TRIM2: variants seen among roughly 807,000 people sequenced by gnomAD.
The protein encoded by TRIM2 is tripartite motif containing 2.
TRIM2 carries 20 observed loss-of-function variants against 75.2 expected under a neutral mutation model. The observed-to-expected ratio is 0.27, with a 90% CI of 0.19 to 0.39. The LOEUF is 0.39. Ranked by LOEUF, TRIM2 falls within the 10% of genes least tolerant of loss-of-function variation. The pLI is 1.00. For missense variants in TRIM2, 660 were observed against 990.8 expected, an observed-to-expected ratio of 0.67 and a Z score of 4.48; for synonymous variants, 373 against 388.3, an observed-to-expected ratio of 0.96 and a Z score of 0.46.
intron 6 of TRIM2, chr4:153,309,852 T>TC (rs1204614615): frequency 6.6e-6 from 1 of 152,194 alleles, no homozygotes; most frequent in Non-Finnish European, 1.5e-5. Flanking sequence ...GGTCTTAAAT[T>TC]CCTGACCTCA....
chr4:153,307,920 C>T (rs1765379157), intron 6 of TRIM2: 1 of 752,654 alleles, frequency 1.3e-6, no homozygotes. Context: ...ATCTTGAGTC[C>T]CCATGCCCAT....
At chr4:153,280,603 A>T (rs559915884) in intron 3 of TRIM2, among the ~76,000 whole-genome samples, 1 of 152,216 alleles carries the variant, frequency 6.6e-6, no homozygotes, top group South Asian at 2.1e-4. Context: ...GCTGGTTGCA[A>T]ACTGGCCTCA....
At chr4:153,326,974 C>A (rs1770341071) in intron 10 of TRIM2, among the ~76,000 whole-genome samples, 2 of 97,240 alleles carry the variant, frequency 2.1e-5, no homozygotes, top group African/African-American at 9.0e-5. Flanking sequence ...AATAAGACTC[C>A]ATCTCAAAAA....
chr4:153,271,794 C>T (rs1476451058), intron 2 of TRIM2, among the ~76,000 whole-genome samples: 2 of 152,176 alleles, frequency 1.3e-5, no homozygotes, highest in Non-Finnish European at 2.9e-5. Context: ...ATGGGAAGAT[C>T]GTTACCTGAT....
At chr4:153,332,720 G>A (rs746823479) in intron 11 of TRIM2, among the ~76,000 whole-genome samples, 1 of 151,850 alleles carries the variant, frequency 6.6e-6, no homozygotes, top group African/African-American at 2.4e-5. Flanking sequence ...ATAAAAAGAT[G>A]TGCAATATCA....
intron 1 of TRIM2, among the ~76,000 whole-genome samples, chr4:153,155,435 G>A (rs760447080): frequency 1.3e-5 from 2 of 152,182 alleles, no homozygotes; most frequent in Non-Finnish European, 2.9e-5. Context: ...AAGGGGTTCA[G>A]AATGGGGAAA....
Position 153,302,248 on chromosome 4 carries a change from G to A in TRIM2, c.1510+6212G>A, listed in dbSNP as rs930427. 6.8e-3 allele frequency among the ~76,000 whole-genome samples: 1,035 copies of A among 151,392 alleles called. 3 individuals are homozygous for A. The highest frequency in any genetic ancestry group is 0.01 in the Non-Finnish European group (705 of 67,876). ...TAGTTTTTTTCTTTTTCTTGCATTC[G>A]TCTTTAACTTTACATTCAAATCCAG... On this transcript the variant is annotated intron_variant, in intron 6 of 11. Transcript: ENST00000338700.
At chr4:153,330,997 G>T (rs982389199) in intron 11 of TRIM2, among the ~76,000 whole-genome samples, 4 of 152,148 alleles carry the variant, frequency 2.6e-5, no homozygotes, top group African/African-American at 9.7e-5. Context: ...GGTGAGTTCA[G>T]CAAGATTGCA....
chr4:153,281,179 C>T (rs1317998117), intron 3 of TRIM2, among the ~76,000 whole-genome samples: 3 of 152,150 alleles, frequency 2.0e-5, no homozygotes, highest in East Asian at 1.9e-4. Context: ...TAGTAACCAG[C>T]GCTCTTGAGA....
intron 1 of TRIM2, among the ~76,000 whole-genome samples, chr4:153,259,305 A>G (rs570722506): frequency 1.3e-5 from 2 of 152,184 alleles, no homozygotes; most frequent in Admixed American, 1.3e-4. Flanking sequence ...TAAAACATTC[A>G]TTCTTTGTCT....
chr4:153,179,148 CATTA>C (rs1369743896), intron 1 of TRIM2, among the ~76,000 whole-genome samples: 2 of 151,868 alleles, frequency 1.3e-5, no homozygotes, highest in African/African-American at 4.8e-5. Context: ...GCACTCCAGC[CATTA>C]ATTAATTGTT....
At chr4:153,280,040 C>T (rs1047046215) in intron 3 of TRIM2, among the ~76,000 whole-genome samples, 2 of 151,682 alleles carry the variant, frequency 1.3e-5, no homozygotes, top group African/African-American at 2.4e-5. Context: ...TGCCAAAGTA[C>T]TCCTGCTTGG....
rs1310305421 is a variant in TRIM2 at position 153,335,938 on chromosome 4, T to G, written c.*972T>G. On this transcript the variant is annotated 3_prime_UTR_variant, in exon 12 of 12. Coordinates refer to ENST00000338700, the MANE Select transcript of TRIM2 (RefSeq NM_015271.5). ...AAGTAGCCCTTTGGAGGACTGATGGTGTCAACCAAAGGCATGTGATTGATT... is the reference window on the plus strand; with the variant it reads ...AAGTAGCCCTTTGGAGGACTGATGGGGTCAACCAAAGGCATGTGATTGATT... 1.0e-6 allele frequency: 1 copy of G among 985,732 alleles called. No homozygotes were observed. The highest frequency in any genetic ancestry group is 1.7e-5 in the African/African-American group (1 of 57,224). The allele number at this position is 985,732 out of a possible 1,614,324, so 61.1% of individuals were successfully genotyped here.
chr4:153,232,374 C>T (rs1260673155), intron 1 of TRIM2, among the ~76,000 whole-genome samples: 2 of 152,206 alleles, frequency 1.3e-5, no homozygotes, highest in South Asian at 2.1e-4. Flanking sequence ...TGGCGCACGC[C>T]TGTAGTCCCA....
At position 153,337,745 on chromosome 4, in the gene TRIM2, T is replaced by C; in HGVS notation, c.*2779T>C. On this transcript the variant is annotated 3_prime_UTR_variant, in exon 12 of 12. Coordinates refer to ENST00000338700, the MANE Select transcript of TRIM2 (RefSeq NM_015271.5). The stretch of plus-strand genomic sequence containing the variant: ...TTTTTTCTGGGCTACCATTATTGTT[T>C]GATTTCTCTTTGTCAAGTGTATAGA... 1.0e-6 allele frequency: 1 copy of C among 985,866 alleles called. No individual in the cohort carries two copies. The allele number at this position is 985,866 out of a possible 1,614,324, so 61.1% of individuals were successfully genotyped here. A position where few individuals can be genotyped will look rare whatever the true frequency, so the allele number is the denominator to read the frequency against.
At chr4:153,314,120 G>A (rs1767011894) in intron 6 of TRIM2, among the ~76,000 whole-genome samples, 1 of 151,962 alleles carries the variant, frequency 6.6e-6, no homozygotes, top group Non-Finnish European at 1.5e-5. Context: ...CCAGATGTCC[G>A]TTAACCTGTA....
chr4:153,309,001 A>G (rs1309055242), intron 6 of TRIM2, among the ~76,000 whole-genome samples: 1 of 152,202 alleles, frequency 6.6e-6, no homozygotes, highest in Non-Finnish European at 1.5e-5. Flanking sequence ...GTGGAAAAAG[A>G]TGCAACTAAT....
chr4:153,193,251 C>T (rs186583198), intron 1 of TRIM2, among the ~76,000 whole-genome samples: 1 of 151,546 alleles, frequency 6.6e-6, no homozygotes, highest in Admixed American at 6.6e-5. Flanking sequence ...CCTGCCTCAG[C>T]CTCCTGAGTA....
chr4:153,289,512 T>C (rs1312722595), intron 3 of TRIM2, among the ~76,000 whole-genome samples: 1 of 152,226 alleles, frequency 6.6e-6, no homozygotes, highest in Non-Finnish European at 1.5e-5. Context: ...GCTGATCTTT[T>C]TTCATACATG....
Sources: allele counts gnomAD v4.1 joint callset (sites outside exome capture counted in the v4.1 genomes callset), GRCh38; gene constraint gnomAD v4.1.1; transcripts MANE v1.5; gene names NCBI Gene and HGNC (gene_info 2026-07-23, HGNC 2026-07-21).